The following TFAP4 variants were observed in gnomAD, a reference collection of about 807,000 sequenced individuals.
TFAP4 encodes the protein activating enhancer-binding protein 4.
Under a neutral mutation model 40.4 loss-of-function variants are expected in TFAP4, and 7 were observed. The observed-to-expected ratio is 0.17, with a 90% CI of 0.10 to 0.33. The LOEUF is 0.33. Among genes scored for constraint, TFAP4 ranks in the 10% least tolerant of loss-of-function variants. The probability of loss-of-function intolerance (pLI) is 1.00; values close to 1 mark genes in which losing one functional copy is unlikely to be tolerated. For synonymous variants in TFAP4, 218 were observed against 181.4 expected (o/e 1.20, Z -1.62); for missense variants, 374 against 451.1 (o/e 0.83, Z 1.55).
chr16:4,262,951 G>C, intron 1 of TFAP4: 1 of 529,182 alleles, frequency 1.9e-6, no homozygotes, highest in South Asian at 2.1e-5. Flanking sequence ...CAAGGCCAAG[G>C]ATCATTGAGC....
intron 1 of TFAP4, among the ~76,000 whole-genome samples, chr16:4,267,893 G>C (rs1306927530): frequency 6.6e-6 from 1 of 152,136 alleles, no homozygotes. Context: ...GACCTGGCCA[G>C]TCTGCTGCCC....
At chr16:4,262,203 GC>G in intron 3 of TFAP4, 120 bp downstream of exon 3, 1 of 1,200,800 alleles carries the variant, frequency 8.3e-7, no homozygotes, top group South Asian at 1.3e-5. Flanking sequence ...GAAAAAAAGT[GC>G]CTGGAAGTAC....
chr16:4,262,185 C>T (rs2052955656), intron 3 of TFAP4, 139 bp downstream of exon 3: 4 of 1,071,216 alleles, frequency 3.7e-6, no homozygotes, highest in Admixed American at 1.9e-5. Flanking sequence ...AAACTGAGGC[C>T]GGGGCAGGAA....
At chr16:4,264,078 A>AG (rs1344465135) in intron 1 of TFAP4, 1 of 152,396 alleles carries the variant, frequency 6.6e-6, no homozygotes, top group Non-Finnish European at 1.5e-5. Flanking sequence ...GACTGGGCCA[A>AG]GGGGGCTCAT....
chr16:4,269,074 G>C (rs2053019531), intron 1 of TFAP4, among the ~76,000 whole-genome samples: 2 of 150,340 alleles, frequency 1.3e-5, no homozygotes, highest in African/African-American at 2.4e-5. Context: ...TTTTTGTAGA[G>C]GTGGGGTCTT....
intron 4 of TFAP4, among the ~76,000 whole-genome samples, chr16:4,261,399 C>A (rs1475727058): frequency 1.3e-5 from 2 of 152,022 alleles, no homozygotes; most frequent in African/African-American, 4.8e-5. Flanking sequence ...CCTGCCTCAG[C>A]CTCCCAAACA....
chr16:4,260,258 G>A lies in TFAP4; in HGVS notation c.667-13C>T, dbSNP rs1453853447. On this transcript the variant is annotated splice_polypyrimidine_tract_variant and intron_variant, in intron 5 of 6. Coordinates refer to ENST00000204517, the MANE Select transcript of TFAP4 (RefSeq NM_003223.3). ...GAGGGGGCAGAAGCTGCAAGACAGAGGCCCTCAGCCTTTCTCTCAAGGCTT... is the reference window on the plus strand; with the variant it reads ...GAGGGGGCAGAAGCTGCAAGACAGAAGCCCTCAGCCTTTCTCTCAAGGCTT... 1.9e-6 allele frequency: 3 copies of A among 1,552,978 alleles called. No homozygotes were observed. The highest frequency in any genetic ancestry group is 1.2e-5 in the South Asian group (1 of 83,070).
chr16:4,257,300 C>A lies in TFAP4; in HGVS notation c.*755G>T. ...AATAGCTTCTCCTTGAACACGAAGACCTCAAAATTGTAAAAAAAAAAAAAA... is the reference window on the plus strand; with the variant it reads ...AATAGCTTCTCCTTGAACACGAAGAACTCAAAATTGTAAAAAAAAAAAAAA... On this transcript the variant is annotated 3_prime_UTR_variant, in exon 7 of 7. Transcript: ENST00000204517. The A allele has an allele frequency of 9.1e-6, 1 of 109,592 alleles. No homozygotes were observed. The allele number at this position is 109,592 out of a possible 1,614,324, so 6.8% of individuals were successfully genotyped here.
chr16:4,271,367 T>A (rs1362890099), intron 1 of TFAP4, among the ~76,000 whole-genome samples: 2 of 152,174 alleles, frequency 1.3e-5, no homozygotes, highest in Non-Finnish European at 2.9e-5. Context: ...GCTCCAGCCC[T>A]GGGGAGCCAT....
chr16:4,268,649 T>C (rs1432975382), intron 1 of TFAP4, among the ~76,000 whole-genome samples: 3 of 152,144 alleles, frequency 2.0e-5, no homozygotes, highest in African/African-American at 7.2e-5. Context: ...TGGAGTGCAA[T>C]GGCATGATCT....
chr16:4,269,865 A>C (rs971669115), intron 1 of TFAP4, among the ~76,000 whole-genome samples: 1 of 152,100 alleles, frequency 6.6e-6, no homozygotes, highest in Admixed American at 6.6e-5. Flanking sequence ...AGACTACCAT[A>C]TACCTGCCCA....
chr16:4,265,999 G>A (rs929827772), intron 1 of TFAP4: 1 of 152,318 alleles, frequency 6.6e-6, no homozygotes, highest in Non-Finnish European at 1.5e-5. Flanking sequence ...AGCTGGGCAG[G>A]GCAGGGTGCA....
Position 4,272,998 on chromosome 16 carries a change from GTGTGTTT to G in TFAP4, c.-259_-253del. 2.8e-6 allele frequency: 1 copy of G among 355,788 alleles called. No homozygotes were observed. Among genetic ancestry groups the G allele is most frequent in the Non-Finnish European group, 5.0e-6 (1 of 198,350 alleles). 22.0% of individuals were successfully genotyped at this position (355,788 alleles called of 1,614,324 possible). A position where few individuals can be genotyped will look rare whatever the true frequency, so the allele number is the denominator to read the frequency against. Reference sequence around the variant, plus strand: ...TGTGTGTGTGTGTGTGTGTGTGTGTGTGTGTTTGCAGCTGATCAGATGTCTGTTTCAA... The same window carrying G: ...TGTGTGTGTGTGTGTGTGTGTGTGTGGCAGCTGATCAGATGTCTGTTTCAA... On this transcript the variant is annotated 5_prime_UTR_variant, in exon 1 of 7. Transcript: ENST00000204517.
rs2053053471 is a variant in TFAP4 at position 4,272,981 on chromosome 16, T to TGTGTGTGTGA, written c.-236_-235insTCACACACAC. ...GTGTGTGTGTGTGTGTGTGTGTGTG[T>TGTGTGTGTGA]GTGTGTGTGTGTGTGTGTGTGTTTG... On this transcript the variant is annotated 5_prime_UTR_variant, in exon 1 of 7. Coordinates refer to ENST00000204517, the MANE Select transcript of TFAP4 (RefSeq NM_003223.3). The TGTGTGTGTGA allele has an allele frequency of 2.0e-6, 1 of 495,920 alleles. No individual in the cohort carries two copies. The highest frequency in any genetic ancestry group is 3.6e-6 in the Non-Finnish European group (1 of 274,838). The allele number at this position is 495,920 out of a possible 1,614,324, so 30.7% of individuals were successfully genotyped here. A position where few individuals can be genotyped will look rare whatever the true frequency, so the allele number is the denominator to read the frequency against.
At chr16:4,261,157 AG>A (rs1237058023) in intron 4 of TFAP4, among the ~76,000 whole-genome samples, 1 of 151,600 alleles carries the variant, frequency 6.6e-6, no homozygotes, top group Non-Finnish European at 1.5e-5. Flanking sequence ...TTTTTGGTAG[AG>A]ACAGAGTCTC....
intron 1 of TFAP4, 107 bp downstream of exon 1, chr16:4,272,551 G>T: frequency 1.3e-6 from 1 of 746,790 alleles, no homozygotes; most frequent in Non-Finnish European, 2.0e-6. Context: ...AGAAAGGCTA[G>T]CGGGGTCGGC....
chr16:4,272,219 C>T lies in TFAP4; in HGVS notation c.89+439G>A, dbSNP rs572438629. On this transcript the variant is annotated intron_variant, in intron 1 of 6. Transcript: ENST00000204517. Reference sequence around the variant, plus strand: ...GCGGCATGGCTGCATTGTAGCCGCCCTAGCTACACCCCCACGCGCGCCCCG... The same window carrying T: ...GCGGCATGGCTGCATTGTAGCCGCCTTAGCTACACCCCCACGCGCGCCCCG... 4.6e-5 allele frequency among the ~76,000 whole-genome samples: 7 copies of T among 151,740 alleles called. No homozygotes were observed. In the South Asian group the frequency reaches 1.5e-3, roughly 32 times the overall value.
chr16:4,268,611 G>A (rs1008522282), intron 1 of TFAP4, among the ~76,000 whole-genome samples: 1 of 151,854 alleles, frequency 6.6e-6, no homozygotes, highest in African/African-American at 2.4e-5. Context: ...TTTATTTAGA[G>A]GCAGGGTCTC....
At chr16:4,268,533 A>T (rs1422395016) in intron 1 of TFAP4, among the ~76,000 whole-genome samples, 1 of 152,100 alleles carries the variant, frequency 6.6e-6, no homozygotes, top group African/African-American at 2.4e-5. Flanking sequence ...CAAAGCCTTC[A>T]ATTTTCTTGA....
Sources: allele counts gnomAD v4.1 joint callset (sites outside exome capture counted in the v4.1 genomes callset), GRCh38; gene constraint gnomAD v4.1.1; transcripts MANE v1.5; gene names NCBI Gene and HGNC (gene_info 2026-07-23, HGNC 2026-07-21).